The following PRKN variants were observed in gnomAD, a reference collection of about 807,000 sequenced individuals.
PRKN encodes the protein parkin RBR E3 ubiquitin protein ligase, also known as E3 ubiquitin-protein ligase parkin.
PRKN carries 56 observed loss-of-function variants against 59.5 expected under a neutral mutation model. That is an observed-to-expected ratio of 0.94 (90% CI 0.76 to 1.18). The LOEUF (loss-of-function observed/expected upper bound fraction) is 1.18. PRKN is among the 50% of genes most tolerant of loss of function. The probability of loss-of-function intolerance (pLI) is 0.00; values close to 1 mark genes in which losing one functional copy is unlikely to be tolerated. For synonymous variants in PRKN, 250 were observed against 222.1 expected (o/e 1.13, Z -1.12); for missense variants, 657 against 596.4 (o/e 1.10, Z -1.06).
chr6:161,433,382 C>T (rs996948521), intron 9 of PRKN, among the ~76,000 whole-genome samples: 4 of 143,024 alleles, frequency 2.8e-5, no homozygotes, highest in Non-Finnish European at 4.6e-5. Context: ...TTTGGATTAA[C>T]TGTTTACTAC....
chr6:161,999,616 G>A (rs1371490534), intron 5 of PRKN, among the ~76,000 whole-genome samples: 3 of 152,112 alleles, frequency 2.0e-5, no homozygotes, highest in Admixed American at 2.0e-4. Context: ...AGCCAAGAAG[G>A]TGGCAAGAGG....
intron 5 of PRKN, among the ~76,000 whole-genome samples, chr6:162,046,027 T>C (rs560957761): frequency 7.9e-5 from 12 of 152,260 alleles, no homozygotes; most frequent in Non-Finnish European, 1.3e-4. Flanking sequence ...AAATTATCTT[T>C]TTTGTATCTA....
intron 6 of PRKN, among the ~76,000 whole-genome samples, chr6:161,936,867 C>T (rs1779378475): frequency 6.6e-6 from 1 of 151,454 alleles, no homozygotes; most frequent in Admixed American, 6.6e-5. Flanking sequence ...CTCACTGAAA[C>T]CTCCACCTCC....
chr6:161,865,132 G>T (rs1052543361), intron 6 of PRKN, among the ~76,000 whole-genome samples: 2 of 152,148 alleles, frequency 1.3e-5, no homozygotes, highest in Non-Finnish European at 2.9e-5. Context: ...CCATCAGAGC[G>T]CTTGGGTGAC....
intron 1 of PRKN, among the ~76,000 whole-genome samples, chr6:162,504,112 C>A (rs1793501694): frequency 6.6e-6 from 1 of 152,012 alleles, no homozygotes; most frequent in South Asian, 2.1e-4. Flanking sequence ...GGAAGGCAGG[C>A]TGACGGGAAA....
chr6:161,552,126 A>C lies in PRKN; in HGVS notation c.934-3123T>G, dbSNP rs1780041770. On this transcript the variant is annotated intron_variant, in intron 8 of 11. Coordinates refer to ENST00000366898, the MANE Select transcript of PRKN (RefSeq NM_004562.3). The surrounding 1 kb of genome is among the most constrained non-coding windows in gnomAD (Gnocchi z 4.9). ...TCAGAGATGATGAATTTAAAGGAAA[A>C]CTCGTGAGCAGAGTCTTCTGTTTCT... Among the ~76,000 whole-genome samples the C allele has an allele frequency of 6.6e-6, 1 of 152,008 alleles. No individual in the cohort carries two copies. The highest frequency in any genetic ancestry group is 2.1e-4 in the South Asian group (1 of 4,804).
intron 7 of PRKN, among the ~76,000 whole-genome samples, chr6:161,630,995 A>C (rs1045428934): frequency 1.3e-5 from 2 of 152,242 alleles, no homozygotes; most frequent in African/African-American, 4.8e-5. Flanking sequence ...GTTTGCGGGC[A>C]GCACTACCCC....
At chr6:162,608,422 G>A (rs1022135272) in intron 1 of PRKN, among the ~76,000 whole-genome samples, 1 of 152,132 alleles carries the variant, frequency 6.6e-6, no homozygotes, top group East Asian at 1.9e-4. Flanking sequence ...TCAAGGTGTC[G>A]GATGCTAAAT....
intron 2 of PRKN, among the ~76,000 whole-genome samples, chr6:162,306,407 T>G (rs1400257222): frequency 2.6e-5 from 4 of 152,210 alleles, no homozygotes; most frequent in Admixed American, 6.5e-5. Flanking sequence ...GAGTAATTAC[T>G]TCTTGTGCAT....
At chr6:161,956,634 A>C (rs921098709) in intron 6 of PRKN, among the ~76,000 whole-genome samples, 1 of 152,186 alleles carries the variant, frequency 6.6e-6, no homozygotes, top group African/African-American at 2.4e-5. Context: ...AAATGTTCTG[A>C]AATTTATTCT....
At chr6:161,641,489 C>T (rs1342340299) in intron 7 of PRKN, among the ~76,000 whole-genome samples, 1 of 152,158 alleles carries the variant, frequency 6.6e-6, no homozygotes, top group Admixed American at 6.5e-5. Flanking sequence ...AATCAGCTCC[C>T]CACTTTTCAA....
At chr6:161,847,604 TC>T (rs1385897764) in intron 6 of PRKN, among the ~76,000 whole-genome samples, 4 of 151,830 alleles carry the variant, frequency 2.6e-5, no homozygotes, top group South Asian at 2.1e-4. Context: ...TTTTTTTTTT[TC>T]CTATTTGTTT....
intron 6 of PRKN, among the ~76,000 whole-genome samples, chr6:161,873,950 ATATAT>A (rs1421377687): frequency 1.7e-5 from 2 of 116,706 alleles, no homozygotes; most frequent in Non-Finnish European, 3.3e-5. Flanking sequence ...TAAAAGAAAT[ATATAT>A]TATATGTAAA....
intron 2 of PRKN, among the ~76,000 whole-genome samples, chr6:162,302,949 A>G (rs1388059643): frequency 1.5e-5 from 2 of 137,638 alleles, no homozygotes; most frequent in Non-Finnish European, 3.1e-5. Flanking sequence ...GGTGAGTATT[A>G]TATGCCTTAA....
chr6:161,350,286 C>A lies in PRKN; in HGVS notation c.1286-75G>T, dbSNP rs1582953639. On this transcript the variant is annotated intron_variant, in intron 11 of 11. Transcript: ENST00000366898. ...GAAAACACGCATTCCCAAACCAGCA[C>A]GCTAGCCTAGACATCACTTTCTGAG... The A allele has an allele frequency of 4.2e-6, 4 of 947,338 alleles. No homozygotes were observed. In the East Asian group the frequency reaches 1.0e-4, roughly 25 times the overall value. The allele number at this position is 947,338 out of a possible 1,614,324, so 58.7% of individuals were successfully genotyped here.
In PRKN at chr6:162,505,311, G is replaced by C. The variant is rs534535872; in HGVS notation, c.8-61838C>G. Reference sequence around the variant, plus strand: ...ACAAAATGTTTATCAACAGGACAATGATTACATGCATTGTGGTAGTGTCAT... The same window carrying C: ...ACAAAATGTTTATCAACAGGACAATCATTACATGCATTGTGGTAGTGTCAT... On this transcript the variant is annotated intron_variant, in intron 1 of 11. Transcript: ENST00000366898. Among the ~76,000 whole-genome samples the C allele has an allele frequency of 2.0e-5, 3 of 152,246 alleles. No individual in the cohort carries two copies. In the East Asian group the frequency reaches 5.8e-4, roughly 29 times the overall value.
rs758997138 is a variant in PRKN at position 161,463,948 on chromosome 6, TTTTTTGTTTTTG to T, written c.1084-77083_1084-77072del. ...TCAACATACAGAGACCTTTAGGGTT[TTTTTTGTTTTTG>T]TTTTTGTTTTTGTTTTTTTGAGAAG... On this transcript the variant is annotated intron_variant, in intron 9 of 11. Transcript: ENST00000366898. The surrounding 1 kb of genome is among the most constrained non-coding windows in gnomAD (Gnocchi z 4.8). Among the ~76,000 whole-genome samples, 5 of 152,134 alleles carry T rather than the reference TTTTTTGTTTTTG, an allele frequency of 3.3e-5. No homozygotes were observed. Among genetic ancestry groups the T allele is most frequent in the South Asian group, 2.1e-4 (1 of 4,822 alleles).
chr6:162,581,652 T>TTGAGGC (rs1562405814), intron 1 of PRKN, among the ~76,000 whole-genome samples: 2 of 152,074 alleles, frequency 1.3e-5, no homozygotes, highest in Non-Finnish European at 2.9e-5. Flanking sequence ...TCCCAGCTAC[T>TTGAGGC]TGAGGCTGAG....
intron 1 of PRKN, among the ~76,000 whole-genome samples, chr6:162,583,331 AGG>A (rs1780863087): frequency 6.6e-6 from 1 of 152,242 alleles, no homozygotes; most frequent in Non-Finnish European, 1.5e-5. Flanking sequence ...GGCTAGAAAG[AGG>A]TATAGGGTTT....
Sources: allele counts gnomAD v4.1 joint callset (sites outside exome capture counted in the v4.1 genomes callset), GRCh38; gene constraint gnomAD v4.1.1; non-coding constraint Gnocchi (gnomAD v3.1); transcripts MANE v1.5; gene names NCBI Gene and HGNC (gene_info 2026-07-23, HGNC 2026-07-21).